The following SYTL3 variants were observed in gnomAD, a reference collection of about 807,000 sequenced individuals.
SYTL3 encodes the protein synaptotagmin like 3, also known as synaptotagmin-like protein 3.
Under a neutral mutation model 82.1 loss-of-function variants are expected in SYTL3, and 88 were observed. The observed-to-expected ratio is 1.07, with a 90% CI of 0.90 to 1.28. The LOEUF is 1.28. Ranked by LOEUF, SYTL3 falls within the 50% of genes most tolerant of loss-of-function variation. The probability of loss-of-function intolerance (pLI) is 0.00; values close to 1 mark genes in which losing one functional copy is unlikely to be tolerated. For missense variants in SYTL3, 831 were observed against 757.6 expected (o/e 1.10, Z -1.14); for synonymous variants, 311 against 289.4 (o/e 1.07, Z -0.76).
At chr6:158,726,284 T>C in intron 11 of SYTL3, 1 of 439,044 alleles carries the variant, frequency 2.3e-6, no homozygotes, top group Admixed American at 2.9e-5. Flanking sequence ...CAATCATTGT[T>C]ATCCCCATGA....
intron 11 of SYTL3, 106 bp from the exon 12 acceptor site, chr6:158,745,374 G>A (rs1787493153): frequency 2.0e-6 from 2 of 982,064 alleles, no homozygotes; most frequent in South Asian, 1.5e-5. Context: ...ATGTGAGTCA[G>A]GATACATGCT....
intron 6 of SYTL3, among the ~76,000 whole-genome samples, chr6:158,705,331 G>A: frequency 1.8e-5 from 2 of 112,402 alleles, no homozygotes; most frequent in Non-Finnish European, 3.8e-5. Context: ...GGGACAGGGT[G>A]ACAGTGAGGG....
At chr6:158,722,927 A>C (rs1019528687) in intron 10 of SYTL3, among the ~76,000 whole-genome samples, 4 of 149,628 alleles carry the variant, frequency 2.7e-5, no homozygotes, top group African/African-American at 9.8e-5. Flanking sequence ...CACCACACCC[A>C]GCTAATTTTT....
chr6:158,745,709 A>G (rs999980179), intron 12 of SYTL3, 51 bp downstream of exon 12: 1 of 1,401,432 alleles, frequency 7.1e-7, no homozygotes, highest in Non-Finnish European at 9.6e-7. Flanking sequence ...TCCAAAATGT[A>G]TATGAAAAAG....
At chr6:158,758,850 C>T (rs926996348) in intron 14 of SYTL3, among the ~76,000 whole-genome samples, 7 of 152,140 alleles carry the variant, frequency 4.6e-5, no homozygotes, top group Admixed American at 3.9e-4. Context: ...TTCCAGGACC[C>T]GGAGCTCAGG....
chr6:158,722,762 GTT>G (rs34189391), intron 10 of SYTL3, among the ~76,000 whole-genome samples: 11,955 of 80,284 alleles, frequency 0.15, 805 homozygotes, highest in South Asian at 0.25. Flanking sequence ...TCTCTTTTCT[GTT>G]TTTTTTTTTT....
intron 9 of SYTL3, among the ~76,000 whole-genome samples, chr6:158,714,442 T>C (rs1266850348): frequency 6.6e-6 from 1 of 152,198 alleles, no homozygotes; most frequent in African/African-American, 2.4e-5. Flanking sequence ...TATCTATCTA[T>C]TGTCTGCATG....
At chr6:158,682,787 T>C in intron 5 of SYTL3, 138 bp from the exon 6 acceptor site, 1 of 629,722 alleles carries the variant, frequency 1.6e-6, no homozygotes, top group Admixed American at 2.9e-5. Flanking sequence ...TAAATTTAAG[T>C]GTTTAAGCCA....
intron 15 of SYTL3, among the ~76,000 whole-genome samples, chr6:158,761,738 A>T (rs1007234686): frequency 2.0e-5 from 3 of 152,184 alleles, no homozygotes; most frequent in African/African-American, 7.2e-5. Flanking sequence ...AACCTCCTAG[A>T]CAGGGTCTCG....
At chr6:158,702,889 T>C (rs1438302928) in intron 6 of SYTL3, among the ~76,000 whole-genome samples, 1 of 152,106 alleles carries the variant, frequency 6.6e-6, no homozygotes, top group Admixed American at 6.6e-5. Flanking sequence ...GCACAGTGGC[T>C]CACGCCTGTA....
In SYTL3 at chr6:158,729,817, T is replaced by C. The variant is rs562285482; in HGVS notation, c.855+4180T>C. Reference sequence around the variant, plus strand: ...TCCTGACCTTGTGATCCGCTCGCCTTGGCCTCCCAAAGTGCTGGGATTACA... The same window carrying C: ...TCCTGACCTTGTGATCCGCTCGCCTCGGCCTCCCAAAGTGCTGGGATTACA... On this transcript the variant is annotated intron_variant, in intron 11 of 17. Coordinates refer to ENST00000611299, the MANE Select transcript of SYTL3 (RefSeq NM_001242394.2). Among the ~76,000 whole-genome samples, 73 of 152,150 alleles carry C rather than the reference T, an allele frequency of 4.8e-4. 2 individuals are homozygous for C. The South Asian group carries it at 0.014, about 29-fold the overall frequency.
At chr6:158,658,383 G>T (rs1453326429) in intron 2 of SYTL3, among the ~76,000 whole-genome samples, 2 of 152,180 alleles carry the variant, frequency 1.3e-5, no homozygotes, top group East Asian at 1.9e-4. Flanking sequence ...AAAGATGGGG[G>T]TATGGTACTG....
At chr6:158,690,968 A>G (rs1392080217) in intron 6 of SYTL3, among the ~76,000 whole-genome samples, 1 of 152,176 alleles carries the variant, frequency 6.6e-6, no homozygotes, top group Non-Finnish European at 1.5e-5. Context: ...CCCACGCTCC[A>G]GGATCAGCTG....
chr6:158,738,541 C>T (rs945694679), intron 11 of SYTL3, among the ~76,000 whole-genome samples: 1 of 152,212 alleles, frequency 6.6e-6, no homozygotes, highest in Non-Finnish European at 1.5e-5. Context: ...CTTACGCATT[C>T]AGCCTCTACT....
chr6:158,707,204 A>G, intron 6 of SYTL3, 26 bp from the exon 7 acceptor site: 4 of 1,611,854 alleles, frequency 2.5e-6, no homozygotes, highest in Non-Finnish European at 3.4e-6. Context: ...TTAATAATAA[A>G]CGCCCTCTAT....
At chr6:158,752,137 A>C in intron 13 of SYTL3, 107 bp downstream of exon 13, 1 of 627,408 alleles carries the variant, frequency 1.6e-6, no homozygotes, top group Middle Eastern at 2.6e-4. Flanking sequence ...TCAGTTAGAT[A>C]TAATACAGAC....
chr6:158,764,212 G>C (rs941067835), intron 17 of SYTL3, among the ~76,000 whole-genome samples: 1 of 152,182 alleles, frequency 6.6e-6, no homozygotes, highest in African/African-American at 2.4e-5. Context: ...CACTCCCTTG[G>C]TGAAGACCCA....
At chr6:158,687,212 C>T (rs1161714383) in intron 6 of SYTL3, among the ~76,000 whole-genome samples, 1 of 152,162 alleles carries the variant, frequency 6.6e-6, no homozygotes, top group Non-Finnish European at 1.5e-5. Context: ...GGAAGGCTCG[C>T]CTGGGGCTGG....
chr6:158,665,644 A>T, intron 5 of SYTL3, 31 bp downstream of exon 5: 2 of 1,497,106 alleles, frequency 1.3e-6, no homozygotes, highest in Non-Finnish European at 1.8e-6. Context: ...GATCCCTCCC[A>T]CTGATTCAGG....
Sources: gnomAD v4.1 joint callset for allele counts (sites outside exome capture counted in the v4.1 genomes callset) on GRCh38, gnomAD v4.1.1 for gene constraint, MANE v1.5 for transcripts, NCBI Gene and HGNC (gene_info 2026-07-23, HGNC 2026-07-21) for gene names.